GRPR: variants seen among roughly 807,000 people sequenced by gnomAD.
GRPR encodes the protein gastrin-releasing peptide receptor.
A neutral mutation model predicts 15.6 loss-of-function variants in GRPR; 4 were observed. The observed-to-expected ratio is 0.26, with a 90% confidence interval of 0.13 to 0.59. GRPR has a LOEUF of 0.59. Ranked by LOEUF, GRPR falls within the 20% of genes least tolerant of loss-of-function variation. GRPR has a pLI of 0.90. For missense variants in GRPR, 270 were observed against 304.1 expected, an observed-to-expected ratio of 0.89 and a Z score of 0.83; for synonymous variants, 128 against 126.8, an observed-to-expected ratio of 1.01 and a Z score of -0.06.
chrX:16,128,756 G>A (rs955933438), intron 1 of GRPR, among the ~76,000 whole-genome samples: 1 of 110,270 alleles, frequency 9.1e-6, no homozygotes, highest in Non-Finnish European at 1.9e-5. Context: ...CTGATTGGGT[G>A]GGTTACATGT....
At chrX:16,151,197 C>G (rs1297652139) in intron 2 of GRPR, among the ~76,000 whole-genome samples, 1 of 112,277 alleles carries the variant, frequency 8.9e-6, no homozygotes, top group Admixed American at 9.4e-5. Context: ...CATTGTAAAA[C>G]TATTGGAAGA....
intron 2 of GRPR, 66 bp from the exon 3 acceptor site, chrX:16,152,190 C>G: frequency 3.2e-6 from 3 of 932,420 alleles, no homozygotes; most frequent in Non-Finnish European, 4.7e-6. Context: ...GAATCTTTGT[C>G]TCTCTGCATT....
chrX:16,139,730 T>A (rs779822331), intron 1 of GRPR, among the ~76,000 whole-genome samples: 1 of 111,983 alleles, frequency 8.9e-6, no homozygotes, highest in Non-Finnish European at 1.9e-5. Flanking sequence ...AGACGCTAGA[T>A]GGTCTCTGTT....
At position 16,124,241 on chromosome X, in the gene GRPR, G is replaced by A. The variant is rs749069359; in HGVS notation, c.288G>A (p.Val96=). 8.3e-7 allele frequency: 1 copy of A among 1,210,097 alleles called. No homozygotes were observed. The highest frequency in any genetic ancestry group is 1.1e-6 in the Non-Finnish European group (1 of 893,816). Residue 96 remains valine, a synonymous_variant, in exon 1 of 3, where the codon GTG becomes GTA. Coordinates refer to ENST00000380289, the MANE Select transcript of GRPR (RefSeq NM_005314.3). ...DLLLLITCAP[V]DASRYLADRW... ...TCCTCCTAATAACGTGTGCTCCAGT[G>A]GATGCCAGCAGGTACCTGGCTGACA...
chrX:16,138,278 C>T (rs1166540386), intron 1 of GRPR, among the ~76,000 whole-genome samples: 2 of 112,012 alleles, frequency 1.8e-5, no homozygotes, highest in East Asian at 5.6e-4. Flanking sequence ...GAAGCATGAG[C>T]AGAGCACTGC....
chrX:16,126,273 G>A (rs1168121532), intron 1 of GRPR, among the ~76,000 whole-genome samples: 2 of 111,936 alleles, frequency 1.8e-5, no homozygotes, highest in Non-Finnish European at 3.8e-5. Context: ...AAAGCTGATG[G>A]ATCACCTGAA....
intron 1 of GRPR, among the ~76,000 whole-genome samples, chrX:16,139,915 A>T (rs746431908): frequency 8.9e-6 from 1 of 112,687 alleles, no homozygotes; most frequent in African/African-American, 3.2e-5. Context: ...AAGTGTCGAG[A>T]ACTTTGTGCT....
chrX:16,144,439 T>C (rs1357722454), intron 1 of GRPR, among the ~76,000 whole-genome samples: 1 of 112,052 alleles, frequency 8.9e-6, no homozygotes, highest in Non-Finnish European at 1.9e-5. Context: ...TACATTAGGA[T>C]TGCAGTGGAG....
intron 1 of GRPR, among the ~76,000 whole-genome samples, chrX:16,136,053 C>G (rs1277268463): frequency 1.8e-5 from 2 of 111,564 alleles, no homozygotes; most frequent in African/African-American, 3.3e-5. Flanking sequence ...TAAAAAGACC[C>G]GAGCATCTAA....
chrX:16,152,677 GT>G lies in GRPR; in HGVS notation c.*36del. The G allele has an allele frequency of 8.6e-7, 1 of 1,158,878 alleles. No homozygotes were observed. The highest frequency in any genetic ancestry group is 1.2e-6 in the Non-Finnish European group (1 of 850,567). ...CCTTGATTTTGCCCCCTGAGGGACG[GT>G]TTTGCTTTATGGCTAGACAGGAACC... On this transcript the variant is annotated 3_prime_UTR_variant, in exon 3 of 3. Coordinates refer to ENST00000380289, the MANE Select transcript of GRPR (RefSeq NM_005314.3).
chrX:16,131,824 G>T (rs1238835660), intron 1 of GRPR, among the ~76,000 whole-genome samples: 1 of 112,491 alleles, frequency 8.9e-6, no homozygotes, highest in Non-Finnish European at 1.9e-5. Flanking sequence ...CGGTTAATGA[G>T]CATTAGGGTT....
At chrX:16,126,874 G>A (rs966720118) in intron 1 of GRPR, among the ~76,000 whole-genome samples, 32 of 111,853 alleles carry the variant, frequency 2.9e-4, no homozygotes, top group African/African-American at 1.0e-3. Context: ...TTTTTAGTTT[G>A]GGGATGATGA....
At chrX:16,128,310 T>A (rs1922324690) in intron 1 of GRPR, among the ~76,000 whole-genome samples, 1 of 111,134 alleles carries the variant, frequency 9.0e-6, no homozygotes, top group Non-Finnish European at 1.9e-5. Context: ...AGGTCAGGAG[T>A]TTGAGACCAG....
Position 16,124,274 on chromosome X carries a change from A to G in GRPR, c.321A>G (p.Leu107=). 1.7e-6 allele frequency: 2 copies of G among 1,209,059 alleles called. No individual in the cohort carries two copies. The highest frequency in any genetic ancestry group is 2.2e-6 in the Non-Finnish European group (2 of 893,112). ...DASRYLADRW[L]FGRIGCKLIP... ...GCAGGTACCTGGCTGACAGATGGCT[A>G]TTTGGCAGGATTGGCTGCAAACTGA... Residue 107 remains leucine, a synonymous_variant, in exon 1 of 3, where the codon CTA becomes CTG. Coordinates refer to ENST00000380289, the MANE Select transcript of GRPR (RefSeq NM_005314.3).
At chrX:16,126,648 G>C (rs145690134) in intron 1 of GRPR, among the ~76,000 whole-genome samples, 1,212 of 111,786 alleles carry the variant, frequency 0.011, 14 homozygotes, top group Non-Finnish European at 0.018. Flanking sequence ...ATCACCATAG[G>C]TTATTTTTGC....
chrX:16,152,451 G>GCC lies in GRPR; in HGVS notation c.963_964dup (p.Leu322ProfsTer5). The GCC allele has an allele frequency of 1.7e-6, 2 of 1,208,725 alleles. No individual in the cohort carries two copies. The highest frequency in any genetic ancestry group is 2.2e-6 in the Non-Finnish European group (2 of 892,888). On this transcript the variant is annotated frameshift_variant, in exon 3 of 3. Coordinates refer to ENST00000380289, the MANE Select transcript of GRPR (RefSeq NM_005314.3). LOFTEE classifies it high-confidence loss of function. ...CACCAACTCCTGCGTGAACCCCTTT[G>GCC]CCCTCTACCTGCTGAGCAAGAGTTT...
intron 1 of GRPR, among the ~76,000 whole-genome samples, chrX:16,129,737 T>C (rs1480211491): frequency 9.0e-6 from 1 of 111,655 alleles, no homozygotes; most frequent in African/African-American, 3.3e-5. Flanking sequence ...AGGCATCCCA[T>C]TGATGAGGTT....
At chrX:16,124,899 ACT>A (rs1922266008) in intron 1 of GRPR, among the ~76,000 whole-genome samples, 1 of 112,347 alleles carries the variant, frequency 8.9e-6, no homozygotes, top group Non-Finnish European at 1.9e-5. Flanking sequence ...TTTGAATTTG[ACT>A]CTCTGTGATA....
intron 1 of GRPR, among the ~76,000 whole-genome samples, chrX:16,128,295 ACT>A (rs1470918698): frequency 5.4e-5 from 6 of 112,018 alleles, no homozygotes. Flanking sequence ...TGGGTGGATC[ACT>A]TGAGGTCAGG....
Sources: allele counts gnomAD v4.1 joint callset (sites outside exome capture counted in the v4.1 genomes callset), GRCh38; gene constraint gnomAD v4.1.1; transcripts MANE v1.5; gene names NCBI Gene and HGNC (gene_info 2026-07-23, HGNC 2026-07-21).